LRRTM4: variants seen among roughly 807,000 people sequenced by gnomAD.
LRRTM4 encodes leucine-rich repeat transmembrane neuronal protein 4.
LRRTM4 carries 25 observed loss-of-function variants against 47.6 expected under a neutral mutation model. That is an observed-to-expected ratio of 0.53 (90% CI 0.38 to 0.73). LRRTM4 has a LOEUF of 0.73. Among genes scored for constraint, LRRTM4 ranks in the 30% least tolerant of loss-of-function variants. The pLI is 0.00. For synonymous variants in LRRTM4, 311 were observed against 269.5 expected (o/e 1.15, Z -1.51); for missense variants, 638 against 713.4 (o/e 0.89, Z 1.20).
chr2:77,231,260 C>T (rs1674956345), intron 3 of LRRTM4, among the ~76,000 whole-genome samples: 1 of 151,756 alleles, frequency 6.6e-6, no homozygotes, highest in Non-Finnish European at 1.5e-5. Context: ...CAGATGCACA[C>T]ACCACAAAGA....
chr2:77,308,244 A>G (rs948921765), intron 3 of LRRTM4, among the ~76,000 whole-genome samples: 1 of 151,332 alleles, frequency 6.6e-6, no homozygotes, highest in African/African-American at 2.4e-5. Context: ...CGTTAATAAA[A>G]TGAAATTCAA....
chr2:76,984,532 G>T (rs906201507), intron 3 of LRRTM4, among the ~76,000 whole-genome samples: 2 of 151,928 alleles, frequency 1.3e-5, no homozygotes, highest in African/African-American at 4.8e-5. Context: ...AAGCCTGTTG[G>T]ATGACACATA....
At chr2:77,255,086 A>G (rs1675726680) in intron 3 of LRRTM4, among the ~76,000 whole-genome samples, 2 of 151,988 alleles carry the variant, frequency 1.3e-5, no homozygotes, top group South Asian at 4.1e-4. Context: ...AAGTAAAAGT[A>G]TATATAAAGA....
Position 76,874,070 on chromosome 2 carries a change from C to T in LRRTM4, c.1552-125154G>A, listed in dbSNP as rs571236078. Among the ~76,000 whole-genome samples, 43 of 151,534 alleles carry T rather than the reference C, an allele frequency of 2.8e-4. 1 individual carries two copies. Among genetic ancestry groups the T allele is most frequent in the African/African-American group, 9.2e-4 (38 of 41,282 alleles). On this transcript the variant is annotated intron_variant, in intron 3 of 3. Transcript: ENST00000409884. ...GCTTCATTCTTAGTATGCTGGTGTA[C>T]TTTATAGAAAATTCAGATCACACGG...
intron 3 of LRRTM4, among the ~76,000 whole-genome samples, chr2:76,796,167 C>G (rs1211574754): frequency 6.9e-6 from 1 of 144,138 alleles, no homozygotes. Context: ...CAGGGTCCTA[C>G]GCCCACAGAG....
chr2:77,080,890 C>T (rs1216427388), intron 3 of LRRTM4, among the ~76,000 whole-genome samples: 1 of 152,144 alleles, frequency 6.6e-6, no homozygotes, highest in Non-Finnish European at 1.5e-5. Context: ...CTCTGCAAAG[C>T]TCTACCATGA....
In LRRTM4 at chr2:77,275,370, T is replaced by C. The variant is rs941109651; in HGVS notation, c.1551+242948A>G. 3.4e-5 allele frequency among the ~76,000 whole-genome samples: 5 copies of C among 145,618 alleles called. No homozygotes were observed. The South Asian group carries it at 1.1e-3, about 33-fold the overall frequency. ...TATTAACGTCTTGCATAATTAGTGC[T>C]ACATAAATACTTACTGAATTATTTT... On this transcript the variant is annotated intron_variant, in intron 3 of 3. Transcript: ENST00000409884.
At chr2:77,066,917 A>C (rs1478682823) in intron 3 of LRRTM4, among the ~76,000 whole-genome samples, 1 of 152,204 alleles carries the variant, frequency 6.6e-6, no homozygotes, top group East Asian at 1.9e-4. Flanking sequence ...AGCGGGGCTG[A>C]ATCCCAGGCC....
At chr2:77,272,961 T>C (rs1392135120) in intron 3 of LRRTM4, among the ~76,000 whole-genome samples, 1 of 152,180 alleles carries the variant, frequency 6.6e-6, no homozygotes, top group Admixed American at 6.5e-5. Context: ...TATAATTTGA[T>C]AGTTTTAAAG....
intron 3 of LRRTM4, among the ~76,000 whole-genome samples, chr2:76,823,465 C>A (rs1293313504): frequency 6.6e-6 from 1 of 151,270 alleles, no homozygotes; most frequent in Non-Finnish European, 1.5e-5. Flanking sequence ...AGTATACAAG[C>A]AAAATTACAT....
At chr2:77,441,084 A>C (rs1675820314) in intron 3 of LRRTM4, among the ~76,000 whole-genome samples, 1 of 152,218 alleles carries the variant, frequency 6.6e-6, no homozygotes, top group Non-Finnish European at 1.5e-5. Flanking sequence ...TGCATACTTT[A>C]ATAAATTGGT....
At chr2:77,364,917 T>G (rs1008776077) in intron 3 of LRRTM4, among the ~76,000 whole-genome samples, 13 of 151,974 alleles carry the variant, frequency 8.6e-5, no homozygotes, top group Non-Finnish European at 1.6e-4. Flanking sequence ...TCTTATCAGA[T>G]AAATAACGTT....
intron 3 of LRRTM4, among the ~76,000 whole-genome samples, chr2:76,895,173 A>G (rs751404787): frequency 4.6e-5 from 7 of 152,018 alleles, no homozygotes; most frequent in Non-Finnish European, 8.8e-5. Flanking sequence ...AACTTATCTA[A>G]TATTTATAGC....
intron 3 of LRRTM4, among the ~76,000 whole-genome samples, chr2:76,909,231 C>G (rs1673961077): frequency 6.6e-6 from 1 of 152,156 alleles, no homozygotes; most frequent in Non-Finnish European, 1.5e-5. Context: ...CTGAGAAAAA[C>G]AAGCAATGGG....
intron 3 of LRRTM4, among the ~76,000 whole-genome samples, chr2:76,976,769 G>C (rs1676431392): frequency 1.3e-5 from 2 of 151,820 alleles, no homozygotes. Flanking sequence ...CTAGTGTTCT[G>C]TAGCACTGTA....
chr2:77,134,360 T>C (rs1016242873), intron 3 of LRRTM4, among the ~76,000 whole-genome samples: 1 of 152,150 alleles, frequency 6.6e-6, no homozygotes, highest in Non-Finnish European at 1.5e-5. Flanking sequence ...CCTGGGATGA[T>C]TGTTTTGAGG....
intron 3 of LRRTM4, among the ~76,000 whole-genome samples, chr2:76,865,152 A>G (rs2104025127): frequency 6.6e-6 from 1 of 152,292 alleles, no homozygotes; most frequent in East Asian, 1.9e-4. Flanking sequence ...CATTGTTTTA[A>G]GAAGTCATTT....
rs953317342 is a variant in LRRTM4 at position 77,518,308 on chromosome 2, T to C, written c.1551+10A>G. ...AGTAGAAATGCTTTTAGGAGGATCA[T>C]GGTTCATACCTCACATTCCCTGGAG... On this transcript the variant is annotated intron_variant, in intron 3 of 3. Transcript: ENST00000409884. 14 of 1,589,634 alleles carry C rather than the reference T, an allele frequency of 8.8e-6. No individual in the cohort carries two copies. Among genetic ancestry groups the C allele is most frequent in the Admixed American group, 1.7e-5 (1 of 57,198 alleles).
At chr2:77,026,803 A>T (rs1208737691) in intron 3 of LRRTM4, among the ~76,000 whole-genome samples, 1 of 152,162 alleles carries the variant, frequency 6.6e-6, no homozygotes, top group East Asian at 1.9e-4. Context: ...ACAATGTTAG[A>T]CTGTAGAAAT....
Sources: allele counts gnomAD v4.1 joint callset (sites outside exome capture counted in the v4.1 genomes callset), GRCh38; gene constraint gnomAD v4.1.1; transcripts MANE v1.5; gene names NCBI Gene and HGNC (gene_info 2026-07-23, HGNC 2026-07-21).